Variants in AIFM3 observed in about 807,000 individuals in gnomAD.
AIFM3 encodes AIF family member 3, also known as apoptosis-inducing factor 3.
Under a neutral mutation model 82.7 loss-of-function variants are expected in AIFM3, and 71 were observed. The ratio of observed to expected loss-of-function variants is 0.86; its 90% CI spans 0.71 to 1.05. AIFM3 has a LOEUF of 1.05. Among genes scored for constraint, AIFM3 ranks in the 50% least tolerant of loss-of-function variants. AIFM3 has a pLI of 0.00. For synonymous variants in AIFM3, 337 were observed against 329.1 expected (o/e 1.02, Z -0.26); for missense variants, 748 against 816.7 (o/e 0.92, Z 1.03).
intron 2 of AIFM3, among the ~76,000 whole-genome samples, chr22:20,968,308 AG>A (rs1388842670): frequency 1.3e-5 from 2 of 152,206 alleles, no homozygotes; most frequent in South Asian, 2.1e-4. Flanking sequence ...GGGCCAGGGA[AG>A]GGGGGAGCTG....
rs1457883557 is a variant in AIFM3, at chr22:20,967,819, C to G, written c.-126C>G. 2 of 1,031,478 alleles carry G rather than the reference C, an allele frequency of 1.9e-6. No homozygotes were observed. The highest frequency in any genetic ancestry group is 3.0e-6 in the Non-Finnish European group (2 of 664,046). 63.9% of individuals were successfully genotyped at this position (1,031,478 alleles called of 1,614,324 possible). A position where few individuals can be genotyped will look rare whatever the true frequency, so the allele number is the denominator to read the frequency against. On this transcript the variant is annotated 5_prime_UTR_variant, in exon 2 of 21. Transcript: ENST00000440238. Reference sequence around the variant, plus strand: ...CTCCCCTGCAGGTCCTAGAGCAGCTCCAGCAGGATGGCGGCTCCAGCGTCT... The same window carrying G: ...CTCCCCTGCAGGTCCTAGAGCAGCTGCAGCAGGATGGCGGCTCCAGCGTCT...
rs1047005105 is a variant in AIFM3 at position 20,973,407 on chromosome 22, C to T, written c.132C>T (p.Gly44=). 1.9e-6 allele frequency: 3 copies of T among 1,611,438 alleles called. No homozygotes were observed. The African/African-American group carries it at 4.0e-5, about 22-fold the overall frequency. ...KGSPRAYQGN[G]TARHFHTEER... is the part of the protein sequence containing the mutation. ...GCCCCCGGGCCTACCAGGGCAATGG[C>T]ACGGCCCGCCACTTCCACACGGAGG... Residue 44 remains glycine (G), a synonymous_variant, in exon 3 of 21, where the codon GGC becomes GGT. Transcript: ENST00000440238.
intron 2 of AIFM3, 94 bp downstream of exon 2, chr22:20,968,069 T>C (rs1601698482): frequency 7.4e-7 from 1 of 1,344,962 alleles, no homozygotes; most frequent in South Asian, 1.4e-5. Flanking sequence ...TCGGTAGGCC[T>C]CCGAAGTAGG....
rs181406196 is a variant in AIFM3 at position 20,976,633 on chromosome 22, C to T, written c.1031-18C>T. The T allele has an allele frequency of 5.6e-6, 9 of 1,611,322 alleles. No homozygotes were observed. In the Admixed American group the frequency reaches 1.2e-4, roughly 21 times the overall value. On this transcript the variant is annotated intron_variant, in intron 11 of 20. Coordinates refer to ENST00000440238, the MANE Select transcript of AIFM3 (RefSeq NM_001386814.1). ...GGAAGGTGCAGGTGCCAGCCTGCCA[C>T]CCCCTGCCCATCACCAGGGATGGAG... is the stretch of plus-strand genomic sequence containing the variant.
rs758982243 is a variant in AIFM3 at position 20,974,735 on chromosome 22, G to A, written c.639G>A (p.Leu213=). The change falls in exon 8 of 21, where the codon CTG becomes CTA. Residue 213 remains leucine, a synonymous_variant. Transcript: ENST00000440238. The part of the protein sequence containing the change: ...GAAGLVCAET[L]RQEGFSDRIV... The stretch of plus-strand genomic sequence containing the variant: ...CTGGCCTGGTGTGTGCAGAGACACT[G>A]CGGCAGGAGGGCTTCTCCGACCGGA... 1 of 1,614,014 alleles carries A rather than the reference G, an allele frequency of 6.2e-7. No homozygotes were observed. Among genetic ancestry groups the A allele is most frequent in the Non-Finnish European group, 8.5e-7 (1 of 1,180,002 alleles).
intron 2 of AIFM3, among the ~76,000 whole-genome samples, chr22:20,969,191 A>G (rs1047092683): frequency 2.0e-5 from 3 of 152,166 alleles, no homozygotes; most frequent in Admixed American, 1.3e-4. Context: ...TGCCACCTGC[A>G]GGTTCTTTTA....
chr22:20,976,841 G>A (rs369396180), intron 12 of AIFM3, 26 bp from the exon 13 acceptor site: 138 of 1,592,372 alleles, frequency 8.7e-5, no homozygotes, highest in African/African-American at 4.0e-4. Context: ...CTCATCCACC[G>A]CCCACCTGCC....
chr22:20,979,206 AG>A, intron 16 of AIFM3, 64 bp from the exon 17 acceptor site: 2 of 1,512,674 alleles, frequency 1.3e-6, no homozygotes, highest in Non-Finnish European at 1.8e-6. Flanking sequence ...CCAGGGCATC[AG>A]GAGCAGGTAG....
At chr22:20,974,209 G>T in intron 5 of AIFM3, 37 bp downstream of exon 5, 1 of 1,613,560 alleles carries the variant, frequency 6.2e-7, no homozygotes. Context: ...GAACCTGGGG[G>T]TGTGGGGTTC....
Position 20,976,254 on chromosome 22 carries a change from A to C in AIFM3, c.847A>C (p.Lys283Gln), listed in dbSNP as rs1271297581. 2 of 1,614,046 alleles carry C rather than the reference A, an allele frequency of 1.2e-6. No homozygotes were observed. The highest frequency in any genetic ancestry group is 2.2e-5 in the East Asian group (1 of 44,880). Residue 283 changes from lysine (K) to glutamine (Q), a missense_variant, in exon 10 of 21, where the codon AAG becomes CAG. Coordinates refer to ENST00000440238, the MANE Select transcript of AIFM3 (RefSeq NM_001386814.1). ...VDVRTKKVVF[K>Q]DGFKLEYSKL... ...CGTGAGAACTAAGAAGGTCGTGTTC[A>C]AGGATGGCTTCAAGCTGGAGTACAG...
chr22:20,974,223 G>A (rs554971612), intron 5 of AIFM3, 29 bp from the exon 6 acceptor site: 1 of 1,613,734 alleles, frequency 6.2e-7, no homozygotes, highest in East Asian at 2.2e-5. Context: ...GGGGTTCGGG[G>A]CTGGTCCTGA....
At position 20,967,901 on chromosome 22, in the gene AIFM3, C is replaced by T. The variant is rs1398244582; in HGVS notation, c.-44C>T. ...GGGCGCCCTAGGCCTCCGACAGCTC[C>T]CCATCTGTGCTCCTGCCTGCCGGCC... On this transcript the variant is annotated 5_prime_UTR_variant, in exon 2 of 21. Coordinates refer to ENST00000440238, the MANE Select transcript of AIFM3 (RefSeq NM_001386814.1). 5 of 1,613,456 alleles carry T rather than the reference C, an allele frequency of 3.1e-6. No homozygotes were observed. Among genetic ancestry groups the T allele is most frequent in the Non-Finnish European group, 8.5e-7 (1 of 1,179,552 alleles).
rs1405832665 is a variant in AIFM3 at position 20,976,240 on chromosome 22, A to G, written c.833A>G (p.Lys278Arg). ...GTGGTCACAGTGGACGTGAGAACTA[A>G]GAAGGTCGTGTTCAAGGATGGCTTC... ...AQVVTVDVRT[K>R]KVVFKDGFKL... Residue 278 changes from lysine to arginine, a missense_variant, in exon 10 of 21, where the codon AAG (lysine) becomes AGG (arginine). Transcript: ENST00000440238. 4 of 1,613,990 alleles carry G rather than the reference A, an allele frequency of 2.5e-6. No homozygotes were observed. In the Admixed American group the frequency reaches 6.7e-5, roughly 27 times the overall value.
At position 20,981,182 on chromosome 22, in the gene AIFM3, G is replaced by A. The variant is rs1924094572; in HGVS notation, c.*151G>A. The A allele has an allele frequency of 1.9e-6, 2 of 1,062,246 alleles. No homozygotes were observed. The highest frequency in any genetic ancestry group is 2.2e-5 in the Admixed American group (1 of 45,266). The allele number at this position is 1,062,246 out of a possible 1,614,324, so 65.8% of individuals were successfully genotyped here. Reference sequence around the variant, plus strand: ...CCTTCAGCCACCTGGCTCCCCTCCTGGGAGGCCTCTGCTGGATCCAGAAGA... The same window carrying A: ...CCTTCAGCCACCTGGCTCCCCTCCTAGGAGGCCTCTGCTGGATCCAGAAGA... On this transcript the variant is annotated 3_prime_UTR_variant, in exon 21 of 21. Transcript: ENST00000440238.
At chr22:20,972,711 C>T (rs926705745) in intron 2 of AIFM3, among the ~76,000 whole-genome samples, 3 of 152,094 alleles carry the variant, frequency 2.0e-5, no homozygotes, top group African/African-American at 4.8e-5. Context: ...ACTGCAGGGT[C>T]GAAGGAACTC....
Position 20,981,026 on chromosome 22 carries a change from T to C in AIFM3, c.1813T>C (p.Ser605Pro), listed in dbSNP as rs759114476. 1 of 1,614,100 alleles carries C rather than the reference T, an allele frequency of 6.2e-7. No individual in the cohort carries two copies. Among genetic ancestry groups the C allele is most frequent in the Admixed American group, 1.7e-5 (1 of 60,014 alleles). ...GDMSWLTGKG[S>P] ...CATGTCCTGGCTTACGGGGAAAGGATCCTGAGCTCACATGCAGTAGACTTG... is the reference window on the plus strand; with the variant it reads ...CATGTCCTGGCTTACGGGGAAAGGACCCTGAGCTCACATGCAGTAGACTTG... The change falls in exon 21 of 21, where the codon TCC (serine) becomes CCC (proline). Residue 605 changes from serine (S) to proline (P), a missense_variant. Physicochemically the swap from Ser to Pro is moderately conservative, Grantham distance 74 (BLOSUM62 -1). This residue lies in a region of AIFM3 where 183 missense variants were observed against 158.2 expected (regional missense o/e 1.16). Coordinates refer to ENST00000440238, the MANE Select transcript of AIFM3 (RefSeq NM_001386814.1).
chr22:20,973,285 C>T, intron 2 of AIFM3, 22 bp from the exon 3 acceptor site: 2 of 1,556,682 alleles, frequency 1.3e-6, no homozygotes, highest in Non-Finnish European at 1.7e-6. Flanking sequence ...GTGGGGGGCT[C>T]AAGGCGCTGC....
At position 20,977,726 on chromosome 22, in the gene AIFM3, A is replaced by G; in HGVS notation, c.1309A>G (p.Arg437Gly). The G allele has an allele frequency of 6.2e-7, 1 of 1,614,122 alleles. No homozygotes were observed. Reference protein sequence around the residue: ...IGAVPATGFLRQSGIGLDSRG... With the variant: ...IGAVPATGFLGQSGIGLDSRG... The stretch of plus-strand genomic sequence containing the variant: ...TGCAGTGCCCGCCACAGGCTTCCTG[A>G]GGCAAAGCGGCATCGGTTTGGATTC... The change falls in exon 15 of 21, where the codon AGG becomes GGG. Residue 437 changes from arginine to glycine, a missense_variant. Transcript: ENST00000440238.
At chr22:20,974,030 T>C in intron 4 of AIFM3, 33 bp from the exon 5 acceptor site, 1 of 1,573,342 alleles carries the variant, frequency 6.4e-7, no homozygotes, top group Non-Finnish European at 8.6e-7. Flanking sequence ...CAACCCCTGC[T>C]GGTGGGCGCA....
Sources: gnomAD v4.1 joint callset for allele counts (sites outside exome capture counted in the v4.1 genomes callset) on GRCh38, gnomAD v4.1.1 for gene constraint, gnomAD v4.1.1 regional missense constraint, MANE v1.5 for transcripts, NCBI Gene and HGNC (gene_info 2026-07-23, HGNC 2026-07-21) for gene names.